MYO1E: variants seen among roughly 807,000 people sequenced by gnomAD.
MYO1E encodes myosin IE, also known as unconventional myosin-Ie.
In MYO1E, 68 loss-of-function variants were observed where a neutral mutation model predicts 151.1. The ratio of observed to expected loss-of-function variants is 0.45; its 90% confidence interval spans 0.37 to 0.55. The LOEUF (loss-of-function observed/expected upper bound fraction) is 0.55, where lower values mean the gene tolerates loss of function less well. MYO1E is among the 20% of genes least tolerant of loss of function. The probability of loss-of-function intolerance (pLI) is 0.00; values close to 1 mark genes in which losing one functional copy is unlikely to be tolerated. For missense variants in MYO1E, 1,363 were observed against 1,389.3 expected (o/e 0.98, Z 0.30); for synonymous variants, 601 against 501.7 (o/e 1.20, Z -2.64).
chr15:59,241,616 A>C (rs956427011), intron 4 of MYO1E, among the ~76,000 whole-genome samples: 3 of 152,198 alleles, frequency 2.0e-5, no homozygotes, highest in Non-Finnish European at 4.4e-5. Flanking sequence ...AGGCAGGAGA[A>C]TCACTTGAAC....
intron 1 of MYO1E, among the ~76,000 whole-genome samples, chr15:59,304,097 G>C (rs928042986): frequency 6.7e-6 from 1 of 150,240 alleles, no homozygotes; most frequent in African/African-American, 2.5e-5. Flanking sequence ...ATTCTCCTGC[G>C]TTAGTCTCTC....
intron 14 of MYO1E, chr15:59,208,317 A>T: frequency 1.8e-6 from 1 of 561,154 alleles, no homozygotes; most frequent in Non-Finnish European, 3.2e-6. Flanking sequence ...AGCACTTGCC[A>T]TGTTATATAT....
chr15:59,193,798 C>A (rs1348211664), intron 17 of MYO1E, among the ~76,000 whole-genome samples: 3 of 152,150 alleles, frequency 2.0e-5, no homozygotes, highest in African/African-American at 7.2e-5. Context: ...AGCTCCTCAT[C>A]CGGGCCTGAA....
intron 5 of MYO1E, among the ~76,000 whole-genome samples, chr15:59,232,408 T>C (rs2080033800): frequency 6.6e-6 from 1 of 152,246 alleles, no homozygotes; most frequent in Non-Finnish European, 1.5e-5. Context: ...TTGCTGGTTT[T>C]GCCAGCACTG....
chr15:59,172,266 A>G (rs2079600072), intron 21 of MYO1E, among the ~76,000 whole-genome samples: 1 of 152,186 alleles, frequency 6.6e-6, no homozygotes, highest in Admixed American at 6.5e-5. Context: ...CTGAGGCAGG[A>G]GAATCGCTTT....
chr15:59,138,331 T>C lies in MYO1E; in HGVS notation c.3117A>G (p.Ala1039=). ...TGGGCTGGGGCTTGGGTCTGCCCCC[T>C]GCTGGGGGAGGCCGACTGGTTGTTT... ...RRQTTSRPPP[A]GGRPKPQPKP... The change falls in exon 27 of 28, where the codon GCA becomes GCG. Residue 1039 remains alanine, a synonymous_variant. Coordinates refer to ENST00000288235, the MANE Select transcript of MYO1E (RefSeq NM_004998.4). 6.2e-7 allele frequency: 1 copy of C among 1,614,200 alleles called. No individual in the cohort carries two copies. The highest frequency in any genetic ancestry group is 8.5e-7 in the Non-Finnish European group (1 of 1,180,022).
intron 2 of MYO1E, among the ~76,000 whole-genome samples, chr15:59,268,036 G>C (rs543652460): frequency 2.6e-5 from 4 of 152,282 alleles, no homozygotes; most frequent in Admixed American, 2.6e-4. Flanking sequence ...ATTAGATATA[G>C]AAGGGATAAA....
chr15:59,293,185 A>G (rs1187160282), intron 1 of MYO1E, among the ~76,000 whole-genome samples: 5 of 152,200 alleles, frequency 3.3e-5, no homozygotes, highest in African/African-American at 7.2e-5. Flanking sequence ...TACCAGATGG[A>G]AGGCACACTG....
chr15:59,302,027 T>C (rs1567008319), intron 1 of MYO1E, among the ~76,000 whole-genome samples: 1 of 152,010 alleles, frequency 6.6e-6, no homozygotes, highest in African/African-American at 2.4e-5. Flanking sequence ...TACGTAAAGG[T>C]AGGTTCGTCC....
intron 4 of MYO1E, among the ~76,000 whole-genome samples, chr15:59,239,465 G>A (rs1281037310): frequency 6.6e-6 from 1 of 150,944 alleles, no homozygotes; most frequent in Non-Finnish European, 1.5e-5. Context: ...AACCCTATAA[G>A]AATTATAAAA....
At position 59,268,731 on chromosome 15, in the gene MYO1E, T is replaced by TTTTTTTTTTTTTTTTTTTC. The variant is rs2080272528; in HGVS notation, c.147+3574_147+3575insGAAAAAAAAAAAAAAAAAA. On this transcript the variant is annotated intron_variant, in intron 2 of 27. Transcript: ENST00000288235. ...TGGGTGACTTTGGTATTTTTTTTTT[T>TTTTTTTTTTTTTTTTTTTC]TTTTTTTTTTGCTTCACTGCATGGT... Among the ~76,000 whole-genome samples, 2 of 135,006 alleles carry TTTTTTTTTTTTTTTTTTTC rather than the reference T, an allele frequency of 1.5e-5. 1 individual carries two copies. Among genetic ancestry groups the TTTTTTTTTTTTTTTTTTTC allele is most frequent in the Non-Finnish European group, 3.2e-5 (2 of 61,998 alleles). 88.6% of individuals were successfully genotyped at this position (135,006 alleles called of 152,430 possible). A position where few individuals can be genotyped will look rare whatever the true frequency, so the allele number is the denominator to read the frequency against.
At chr15:59,226,461 T>C (rs2079992122) in intron 7 of MYO1E, among the ~76,000 whole-genome samples, 1 of 152,228 alleles carries the variant, frequency 6.6e-6, no homozygotes, top group Non-Finnish European at 1.5e-5. Context: ...ATAAAAAATT[T>C]GGTTATTAAC....
intron 1 of MYO1E, among the ~76,000 whole-genome samples, chr15:59,329,521 A>G (rs1442547680): frequency 6.6e-6 from 1 of 152,212 alleles, no homozygotes; most frequent in East Asian, 1.9e-4. Context: ...GAGATTTGAC[A>G]TCCATTCAAA....
intron 4 of MYO1E, among the ~76,000 whole-genome samples, chr15:59,255,129 T>C (rs1401976830): frequency 1.3e-5 from 2 of 152,074 alleles, no homozygotes; most frequent in African/African-American, 4.8e-5. Flanking sequence ...GGTTTGGTTT[T>C]TTTGAGACAG....
chr15:59,318,151 G>A (rs576671763), intron 1 of MYO1E, among the ~76,000 whole-genome samples: 24 of 152,142 alleles, frequency 1.6e-4, no homozygotes, highest in Non-Finnish European at 2.6e-4. Context: ...CGAACCAGAG[G>A]GGAAATGGAA....
intron 26 of MYO1E, among the ~76,000 whole-genome samples, chr15:59,148,247 T>C (rs1012089821): frequency 1.3e-5 from 2 of 151,992 alleles, no homozygotes; most frequent in African/African-American, 4.8e-5. Context: ...TAAATATTGA[T>C]GAATAAAAGA....
chr15:59,303,495 C>T (rs1243438213), intron 1 of MYO1E, among the ~76,000 whole-genome samples: 1 of 151,884 alleles, frequency 6.6e-6, no homozygotes, highest in Admixed American at 6.6e-5. Context: ...TACCACTGCA[C>T]TCCAGCCTGG....
intron 23 of MYO1E, 71 bp downstream of exon 23, chr15:59,163,086 G>C: frequency 6.4e-7 from 1 of 1,556,856 alleles, no homozygotes; most frequent in Non-Finnish European, 8.8e-7. Flanking sequence ...GCCCCATCCT[G>C]AATCGCAGGG....
chr15:59,208,657 C>T, intron 14 of MYO1E, 24 bp downstream of exon 14: 1 of 1,613,850 alleles, frequency 6.2e-7, no homozygotes, highest in Non-Finnish European at 8.5e-7. Flanking sequence ...AACAGATAGA[C>T]ATTAAAATGG....
Sources: gnomAD v4.1 joint callset for allele counts (sites outside exome capture counted in the v4.1 genomes callset) on GRCh38, gnomAD v4.1.1 for gene constraint, MANE v1.5 for transcripts, NCBI Gene and HGNC (gene_info 2026-07-23, HGNC 2026-07-21) for gene names.